Variants in STAU2 observed in about 807,000 individuals in gnomAD.
STAU2 encodes staufen double-stranded RNA binding protein 2, also known as double-stranded RNA-binding protein Staufen homolog 2.
A neutral mutation model predicts 65.9 loss-of-function variants in STAU2; 20 were observed. The ratio of observed to expected loss-of-function variants is 0.30; its 90% CI spans 0.21 to 0.44. STAU2 has a LOEUF of 0.44. Ranked by LOEUF, STAU2 falls within the 20% of genes least tolerant of loss-of-function variation. The pLI, the probability that STAU2 is intolerant of heterozygous loss-of-function variation, is 1.00. For missense variants in STAU2, 558 were observed against 683.9 expected, an observed-to-expected ratio of 0.82 and a Z score of 2.05; for synonymous variants, 232 against 233.9, an observed-to-expected ratio of 0.99 and a Z score of 0.07.
intron 13 of STAU2, among the ~76,000 whole-genome samples, chr8:73,520,681 A>T (rs1244313791): frequency 6.6e-6 from 1 of 152,330 alleles, no homozygotes; most frequent in South Asian, 2.1e-4. Context: ...GGACACAAGA[A>T]GATCAGCTCT....
intron 11 of STAU2, among the ~76,000 whole-genome samples, chr8:73,583,467 T>C (rs117404899): frequency 1.4e-4 from 22 of 152,180 alleles, no homozygotes; most frequent in Non-Finnish European, 2.5e-4. Flanking sequence ...CTTATTAAAA[T>C]AGTAAATAAT....
chr8:73,744,644 C>G (rs1807149750), intron 1 of STAU2, among the ~76,000 whole-genome samples: 1 of 152,118 alleles, frequency 6.6e-6, no homozygotes, highest in African/African-American at 2.4e-5. Context: ...AGCCACTCTT[C>G]CTAGCACTTC....
At chr8:73,719,766 C>G (rs1821511305) in intron 3 of STAU2, among the ~76,000 whole-genome samples, 1 of 152,150 alleles carries the variant, frequency 6.6e-6, no homozygotes, top group South Asian at 2.1e-4. Context: ...ACATACTGGT[C>G]TGTAATTTCC....
chr8:73,584,201 TTCTC>T (rs1266733028), intron 11 of STAU2, among the ~76,000 whole-genome samples: 3 of 152,164 alleles, frequency 2.0e-5, no homozygotes, highest in Non-Finnish European at 2.9e-5. Context: ...GAGCATCTCT[TTCTC>T]TCTCTAATTA....
rs111870659 is a variant in STAU2 at position 73,689,928 on chromosome 8, C to A, written c.115-1115G>T. Among the ~76,000 whole-genome samples the A allele has an allele frequency of 9.2e-3, 1,394 of 151,034 alleles. 17 individuals are homozygous for A. Among genetic ancestry groups the A allele is most frequent in the Non-Finnish European group, 0.015 (1,049 of 67,836 alleles). On this transcript the variant is annotated intron_variant, in intron 4 of 14. Transcript: ENST00000524300. ...CTGAATCTAATCACAGGGAAACAACCAGAGAGATCTAGATTATGGGACATT... is the reference window on the plus strand; with the variant it reads ...CTGAATCTAATCACAGGGAAACAACAAGAGAGATCTAGATTATGGGACATT...
intron 1 of STAU2, among the ~76,000 whole-genome samples, chr8:73,741,701 C>CG (rs1364267455): frequency 3.3e-5 from 5 of 151,900 alleles, no homozygotes; most frequent in African/African-American, 9.7e-5. Context: ...TTTGTAGAGA[C>CG]GGGGTTTCAC....
intron 11 of STAU2, among the ~76,000 whole-genome samples, chr8:73,584,360 T>C (rs148225144): frequency 2.6e-5 from 4 of 152,336 alleles, no homozygotes; most frequent in South Asian, 2.1e-4. Flanking sequence ...AATAGACTGA[T>C]AGTAGTAATA....
intron 13 of STAU2, among the ~76,000 whole-genome samples, chr8:73,545,651 T>TA (rs1436716010): frequency 6.7e-6 from 1 of 149,076 alleles, no homozygotes; most frequent in Admixed American, 6.8e-5. Context: ...TTTTTTTTTT[T>TA]AATATATATT....
chr8:73,674,714 T>TAA (rs1317973707), intron 5 of STAU2, among the ~76,000 whole-genome samples: 2 of 149,754 alleles, frequency 1.3e-5, no homozygotes, highest in Admixed American at 1.3e-4. Context: ...TATATATATA[T>TAA]AAAATATACA....
chr8:73,584,293 T>C (rs1810210527), intron 11 of STAU2, among the ~76,000 whole-genome samples: 1 of 152,192 alleles, frequency 6.6e-6, no homozygotes, highest in African/African-American at 2.4e-5. Context: ...CTATAACCTT[T>C]GACTGCAAAA....
At chr8:73,645,822 G>A (rs549742590) in intron 6 of STAU2, among the ~76,000 whole-genome samples, 37 of 152,158 alleles carry the variant, frequency 2.4e-4, no homozygotes, top group African/African-American at 8.4e-4. Context: ...GAGAAAGGAG[G>A]GAGGTGCTAC....
chr8:73,539,224 C>G (rs758004281), intron 13 of STAU2, among the ~76,000 whole-genome samples: 6 of 152,168 alleles, frequency 3.9e-5, no homozygotes, highest in Non-Finnish European at 7.3e-5. Flanking sequence ...TGCAATCCAA[C>G]ATTACTTGCC....
chr8:73,696,042 C>G (rs1282890897), intron 4 of STAU2, among the ~76,000 whole-genome samples: 1 of 152,176 alleles, frequency 6.6e-6, no homozygotes, highest in Non-Finnish European at 1.5e-5. Flanking sequence ...CACAGAGGTG[C>G]CTGCATCACC....
chr8:73,551,830 T>C (rs1480043685), intron 13 of STAU2, 182 bp downstream of exon 13: 1 of 1,275,064 alleles, frequency 7.8e-7, no homozygotes, highest in Non-Finnish European at 9.9e-7. Context: ...AGATCAAAAA[T>C]AAGAGAAAAT....
intron 13 of STAU2, among the ~76,000 whole-genome samples, chr8:73,452,845 C>G (rs999060172): frequency 6.6e-6 from 1 of 152,156 alleles, no homozygotes; most frequent in Non-Finnish European, 1.5e-5. Context: ...CAGTGACATG[C>G]TAATTTATAG....
At chr8:73,628,519 T>C (rs1813855000) in intron 6 of STAU2, among the ~76,000 whole-genome samples, 1 of 152,194 alleles carries the variant, frequency 6.6e-6, no homozygotes, top group Non-Finnish European at 1.5e-5. Context: ...CAGCAGCAGA[T>C]ATCATCTTTG....
At chr8:73,571,427 A>C (rs1019516534) in intron 12 of STAU2, among the ~76,000 whole-genome samples, 1 of 152,220 alleles carries the variant, frequency 6.6e-6, no homozygotes, top group African/African-American at 2.4e-5. Flanking sequence ...TCTCCACCCC[A>C]AATCAACAGA....
chr8:73,469,471 T>TA lies in STAU2; in HGVS notation c.1531-46770_1531-46769insT, dbSNP rs1322799475. Among the ~76,000 whole-genome samples, 73 of 59,932 alleles carry TA rather than the reference T, an allele frequency of 1.2e-3. 1 individual carries two copies. The East Asian group carries it at 0.013, about 11-fold the overall frequency. 39.3% of individuals were successfully genotyped at this position (59,932 alleles called of 152,430 possible). A position where few individuals can be genotyped will look rare whatever the true frequency, so the allele number is the denominator to read the frequency against. ...AAGTATAATAAAATATATATATATA[T>TA]TTAAAAAAAAAAAAAGAAAGTGTGT... On this transcript the variant is annotated intron_variant, in intron 13 of 14. Transcript: ENST00000524300.
intron 3 of STAU2, among the ~76,000 whole-genome samples, chr8:73,731,407 G>A (rs567549905): frequency 1.3e-5 from 2 of 152,138 alleles, no homozygotes; most frequent in South Asian, 4.2e-4. Flanking sequence ...CTCTGTTTTG[G>A]TTCCTCCACA....
Sources: allele counts gnomAD v4.1 joint callset (sites outside exome capture counted in the v4.1 genomes callset), GRCh38; gene constraint gnomAD v4.1.1; transcripts MANE v1.5; gene names NCBI Gene and HGNC (gene_info 2026-07-23, HGNC 2026-07-21).